ZNF883: variants seen among roughly 807,000 people sequenced by gnomAD.
ZNF883 encodes the protein zinc finger protein 883.
upstream of ZNF883, among the ~76,000 whole-genome samples, chr9:113,001,007 G>T (rs1405823195): frequency 6.6e-6 from 1 of 152,066 alleles, no homozygotes; most frequent in African/African-American, 2.4e-5. Context: ...GAATGGAAAA[G>T]AATCTGGTGA....
intron 2 of ZNF883, among the ~76,000 whole-genome samples, chr9:113,006,140 T>A (rs1230220326): frequency 6.8e-6 from 1 of 147,216 alleles, no homozygotes; most frequent in East Asian, 2.0e-4. Context: ...AGAATCAAGA[T>A]GACAACAAAA....
At chr9:112,997,428 T>C in exon 1 of ZNF883, 1 of 1,614,064 alleles carries the variant, frequency 6.2e-7, no homozygotes, top group East Asian at 2.2e-5. Flanking sequence ...GTAAGGTGTG[T>C]ACTTCGACTG....
chr9:113,011,493 A>G (rs1564335874), intron 1 of ZNF883, among the ~76,000 whole-genome samples: 1 of 152,358 alleles, frequency 6.6e-6, no homozygotes, highest in East Asian at 1.9e-4. Context: ...TGTTAACAAT[A>G]CTTGTAAAGC....
intron 1 of ZNF883, among the ~76,000 whole-genome samples, chr9:112,990,126 G>C (rs1451422156): frequency 6.6e-6 from 1 of 152,064 alleles, no homozygotes; most frequent in Non-Finnish European, 1.5e-5. Context: ...TTGACTGATT[G>C]CCCTGGCCAG....
intron 2 of ZNF883, among the ~76,000 whole-genome samples, chr9:113,009,781 T>C (rs1180676291): frequency 6.6e-6 from 1 of 152,188 alleles, no homozygotes; most frequent in East Asian, 1.9e-4. Context: ...GTGCTGGGAT[T>C]ACAGGCATGA....
chr9:112,996,800 A>G (rs1587893945), downstream of ZNF883, among the ~76,000 whole-genome samples: 2 of 99,470 alleles, frequency 2.0e-5, no homozygotes, highest in Non-Finnish European at 2.1e-5. Context: ...CAAAAAAAAA[A>G]AAAAAAAAAA....
At chr9:112,993,390 G>T (rs75085241), downstream of ZNF883, among the ~76,000 whole-genome samples, 1 of 152,348 alleles carries the variant, frequency 6.6e-6, no homozygotes, top group African/African-American at 2.4e-5. Context: ...ACCAGTGGAG[G>T]CTGGAAAATA....
upstream of ZNF883, among the ~76,000 whole-genome samples, chr9:113,002,417 A>G (rs1440425008): frequency 1.3e-5 from 2 of 152,296 alleles, no homozygotes; most frequent in South Asian, 2.1e-4. Context: ...TAGAAAAATG[A>G]CACTACATAA....
chr9:113,005,583 C>T (rs757377635), intron 2 of ZNF883, among the ~76,000 whole-genome samples: 4 of 152,138 alleles, frequency 2.6e-5, no homozygotes, highest in Non-Finnish European at 4.4e-5. Context: ...TTTGTATTTA[C>T]TTATTATAAA....
chr9:113,009,213 T>A (rs1828507541), intron 2 of ZNF883, among the ~76,000 whole-genome samples: 2 of 152,348 alleles, frequency 1.3e-5, no homozygotes, highest in African/African-American at 4.8e-5. Context: ...TAGAGCTGAA[T>A]AAACAATAAC....
At chr9:112,994,668 T>G (rs1216029455), downstream of ZNF883, among the ~76,000 whole-genome samples, 8 of 152,146 alleles carry the variant, frequency 5.3e-5, no homozygotes, top group African/African-American at 1.9e-4. Context: ...CATCTTGGAT[T>G]TTTTAAATTC....
exon 1 of ZNF883, chr9:112,998,253 A>T: frequency 6.3e-7 from 1 of 1,593,500 alleles, no homozygotes; most frequent in Non-Finnish European, 8.5e-7. Context: ...ATTTTCTCAG[A>T]TTCCATCAGT....
At chr9:113,006,222 T>G (rs772908995) in intron 2 of ZNF883, among the ~76,000 whole-genome samples, 4 of 152,094 alleles carry the variant, frequency 2.6e-5, no homozygotes, top group African/African-American at 4.8e-5. Flanking sequence ...ACCAGAGCCA[T>G]GACAGTTTAC....
rs1348743353 is a variant in ZNF883 at position 113,012,143 on chromosome 9, A to G, written n.78+7T>C. 1 of 152,068 alleles carries G rather than the reference A, an allele frequency of 6.6e-6. No individual in the cohort carries two copies. The highest frequency in any genetic ancestry group is 2.4e-5 in the African/African-American group (1 of 41,402). The allele number at this position is 152,068 out of a possible 1,614,324, so 9.4% of individuals were successfully genotyped here. Reference sequence around the variant, plus strand: ...CGAGTGCAAGGGTCGGGAAAGAAAAAGCTCACCTGCTCCACCGAAAAATAA... The same window carrying G: ...CGAGTGCAAGGGTCGGGAAAGAAAAGGCTCACCTGCTCCACCGAAAAATAA... On this transcript the variant is annotated splice_region_variant and intron_variant and non_coding_transcript_variant, in intron 1 of 4. Coordinates refer to the ZNF883 transcript ENST00000638622.
intron 2 of ZNF883, among the ~76,000 whole-genome samples, chr9:113,008,514 A>G (rs1453312022): frequency 6.6e-6 from 1 of 152,202 alleles, no homozygotes; most frequent in African/African-American, 2.4e-5. Flanking sequence ...CAACTCAAGA[A>G]TGATAGAAAC....
downstream of ZNF883, among the ~76,000 whole-genome samples, chr9:112,996,206 T>C (rs1828352542): frequency 6.6e-6 from 1 of 152,146 alleles, no homozygotes; most frequent in African/African-American, 2.4e-5. Flanking sequence ...CTGAAAAAAA[T>C]TAGGGAGGGC....
At chr9:112,994,276 C>A (rs1410297835), downstream of ZNF883, among the ~76,000 whole-genome samples, 1 of 149,492 alleles carries the variant, frequency 6.7e-6, no homozygotes. Flanking sequence ...CCAGGTGGGC[C>A]GTCACACCAC....
At chr9:112,995,984 TTTC>T (rs1233342971), downstream of ZNF883, among the ~76,000 whole-genome samples, 1 of 152,162 alleles carries the variant, frequency 6.6e-6, no homozygotes, top group African/African-American at 2.4e-5. Flanking sequence ...TATTAAAGCA[TTTC>T]TTTTCTTTGG....
At chr9:113,002,893 A>G (rs924193805), upstream of ZNF883, among the ~76,000 whole-genome samples, 5 of 152,190 alleles carry the variant, frequency 3.3e-5, no homozygotes, top group African/African-American at 1.2e-4. Context: ...GTTTTCTGCC[A>G]TGTAAGGATA....
Sources: gnomAD v4.1 joint callset for allele counts (sites outside exome capture counted in the v4.1 genomes callset) on GRCh38, gnomAD v4.1.1 for gene constraint, MANE v1.5 for transcripts, NCBI Gene and HGNC (gene_info 2026-07-23, HGNC 2026-07-21) for gene names.